SEC24B: variants seen among roughly 807,000 people sequenced by gnomAD.
SEC24B encodes SEC24 homolog B, COPII component, also known as protein transport protein Sec24B.
A neutral mutation model predicts 142.8 loss-of-function variants in SEC24B; 45 were observed. The ratio of observed to expected loss-of-function variants is 0.32; its 90% confidence interval spans 0.25 to 0.40. SEC24B has a LOEUF of 0.40. SEC24B is among the 10% of genes least tolerant of loss of function. The probability of loss-of-function intolerance (pLI) is 1.00; values close to 1 mark genes in which losing one functional copy is unlikely to be tolerated. For missense variants in SEC24B, 1,409 were observed against 1,526.8 expected (o/e 0.92, Z 1.29); for synonymous variants, 574 against 568.2 (o/e 1.01, Z -0.15).
chr4:109,490,942 A>G (rs773990984), intron 4 of SEC24B, among the ~76,000 whole-genome samples: 1 of 152,170 alleles, frequency 6.6e-6, no homozygotes, highest in African/African-American at 2.4e-5. Context: ...AAAATACCCT[A>G]ATATTGATAA....
chr4:109,453,732 C>T (rs752258548), intron 1 of SEC24B, among the ~76,000 whole-genome samples: 8 of 152,050 alleles, frequency 5.3e-5, no homozygotes, highest in Non-Finnish European at 1.0e-4. Flanking sequence ...CCTCAGCTTA[C>T]GAAGATGAAA....
chr4:109,528,269 G>GA, intron 18 of SEC24B, among the ~76,000 whole-genome samples: 1 of 151,586 alleles, frequency 6.6e-6, no homozygotes, highest in East Asian at 1.9e-4. Context: ...AAAAATACAA[G>GA]AAAAAAATTA....
At chr4:109,492,704 AC>A (rs1376313941) in intron 5 of SEC24B, among the ~76,000 whole-genome samples, 1 of 152,150 alleles carries the variant, frequency 6.6e-6, no homozygotes, top group Non-Finnish European at 1.5e-5. Context: ...ATCTATAGAA[AC>A]CTAGAAATAT....
intron 6 of SEC24B, among the ~76,000 whole-genome samples, chr4:109,504,099 C>T (rs1428922261): frequency 6.6e-6 from 1 of 152,084 alleles, no homozygotes; most frequent in Non-Finnish European, 1.5e-5. Context: ...CCTTCAGTTA[C>T]TGTCAACATT....
At chr4:109,525,844 T>C (rs1724164620) in intron 16 of SEC24B, among the ~76,000 whole-genome samples, 1 of 152,144 alleles carries the variant, frequency 6.6e-6, no homozygotes, top group African/African-American at 2.4e-5. Flanking sequence ...TAATGTACAC[T>C]TCCTTGGTTT....
intron 6 of SEC24B, among the ~76,000 whole-genome samples, chr4:109,496,469 T>C (rs1446275436): frequency 6.6e-6 from 1 of 151,894 alleles, no homozygotes; most frequent in South Asian, 2.1e-4. Context: ...TGTTCTCAGT[T>C]GACTAACCTT....
At chr4:109,508,081 C>T (rs2126040385) in intron 7 of SEC24B, among the ~76,000 whole-genome samples, 1 of 152,286 alleles carries the variant, frequency 6.6e-6, no homozygotes, top group Non-Finnish European at 1.5e-5. Flanking sequence ...CCCTCTTCTT[C>T]CACTGTACCA....
At chr4:109,511,602 A>G (rs2126048546) in intron 8 of SEC24B, among the ~76,000 whole-genome samples, 1 of 152,354 alleles carries the variant, frequency 6.6e-6, no homozygotes, top group South Asian at 2.1e-4. Context: ...TCTAATGAGC[A>G]GTGCCTAATA....
intron 22 of SEC24B, among the ~76,000 whole-genome samples, chr4:109,537,200 T>G (rs904293358): frequency 3.3e-5 from 5 of 152,210 alleles, no homozygotes; most frequent in African/African-American, 1.2e-4. Flanking sequence ...AATTTAGCAT[T>G]TCTTTCATTT....
At chr4:109,495,815 G>C (rs1174806763) in intron 6 of SEC24B, among the ~76,000 whole-genome samples, 1 of 152,128 alleles carries the variant, frequency 6.6e-6, no homozygotes, top group Admixed American at 6.5e-5. Context: ...CAGCTTGCTT[G>C]TCTGTGTCTG....
intron 1 of SEC24B, among the ~76,000 whole-genome samples, chr4:109,444,652 G>T (rs2030580905): frequency 1.3e-5 from 2 of 152,134 alleles, no homozygotes; most frequent in Non-Finnish European, 2.9e-5. Context: ...GGTAGATCTT[G>T]TGATAATTTA....
At position 109,521,503 on chromosome 4, in the gene SEC24B, G is replaced by A. The variant is rs1723610467; in HGVS notation, c.2385G>A (p.Gln795=). 1.9e-6 allele frequency: 3 copies of A among 1,614,020 alleles called. No individual in the cohort carries two copies. Among genetic ancestry groups the A allele is most frequent in the Non-Finnish European group, 2.5e-6 (3 of 1,180,024 alleles). ...ACAGTGCCCTTGGTCCTGCACTTCA[G>A]GCTGCCTTTAAATTAATGTCTCCAA... ...ETHSALGPAL[Q]AAFKLMSPTG... The change falls in exon 14 of 24, where the codon CAG becomes CAA. Residue 795 remains glutamine (Q), a synonymous_variant. Transcript: ENST00000265175.
At chr4:109,511,916 G>A (rs538476559) in intron 8 of SEC24B, 41 bp from the exon 9 acceptor site, 2 of 1,602,494 alleles carry the variant, frequency 1.2e-6, no homozygotes, top group Non-Finnish European at 1.7e-6. Flanking sequence ...TTTTCCTTGG[G>A]GTGCCTTTTT....
chr4:109,470,458 TTTTG>T (rs2125953411), intron 2 of SEC24B, among the ~76,000 whole-genome samples: 1 of 152,338 alleles, frequency 6.6e-6, no homozygotes, highest in African/African-American at 2.4e-5. Context: ...GGCAAATGAT[TTTTG>T]TTTGAGATAC....
rs771975559 is a variant in SEC24B, at chr4:109,520,441, A to G, written c.2202A>G (p.Glu734=). Residue 734 remains glutamate (E), a synonymous_variant, in exon 12 of 24, where the codon GAA becomes GAG. Coordinates refer to ENST00000265175, the MANE Select transcript of SEC24B (RefSeq NM_006323.5). ...DSTIHFYNLQ[E]GLSQPQMLIV... is the part of the protein sequence containing the mutation. Reference sequence around the variant, plus strand: ...CTATTCATTTCTACAATTTACAAGAAGGATTATCACAGCCTCAAATGTTGA... The same window carrying G: ...CTATTCATTTCTACAATTTACAAGAGGGATTATCACAGCCTCAAATGTTGA... The G allele has an allele frequency of 9.9e-6, 16 of 1,611,578 alleles. No individual in the cohort carries two copies. Among genetic ancestry groups the G allele is most frequent in the Middle Eastern group, 1.7e-4 (1 of 6,056 alleles).
intron 4 of SEC24B, among the ~76,000 whole-genome samples, chr4:109,490,328 T>A (rs1734890139): frequency 6.6e-6 from 1 of 152,106 alleles, no homozygotes; most frequent in Admixed American, 6.5e-5. Context: ...CTCATGTTCA[T>A]CTAAAATTAT....
intron 1 of SEC24B, among the ~76,000 whole-genome samples, chr4:109,455,376 G>A (rs1427320541): frequency 6.6e-6 from 1 of 151,784 alleles, no homozygotes; most frequent in Non-Finnish European, 1.5e-5. Flanking sequence ...CAGCCCTCCC[G>A]AGTAGCTGAG....
At chr4:109,437,450 ATTATTT>A (rs1175593480) in intron 1 of SEC24B, among the ~76,000 whole-genome samples, 1 of 151,714 alleles carries the variant, frequency 6.6e-6, no homozygotes, top group Non-Finnish European at 1.5e-5. Context: ...CTCCTGGCTA[ATTATTT>A]TTATTTTTAT....
chr4:109,447,216 A>G (rs942227966), intron 1 of SEC24B, among the ~76,000 whole-genome samples: 1 of 152,216 alleles, frequency 6.6e-6, no homozygotes, highest in Non-Finnish European at 1.5e-5. Flanking sequence ...CTTGAAAAAA[A>G]TTTAGCATGA....
Sources: allele counts gnomAD v4.1 joint callset (sites outside exome capture counted in the v4.1 genomes callset), GRCh38; gene constraint gnomAD v4.1.1; transcripts MANE v1.5; gene names NCBI Gene and HGNC (gene_info 2026-07-23, HGNC 2026-07-21).